The following HP1BP3 variants were observed in gnomAD, a reference collection of about 807,000 sequenced individuals.
HP1BP3 encodes heterochromatin protein 1-binding protein 3.
Under a neutral mutation model 62.5 loss-of-function variants are expected in HP1BP3, and 12 were observed. The observed-to-expected ratio is 0.19, with a 90% confidence interval of 0.12 to 0.31. HP1BP3 has a LOEUF of 0.31. HP1BP3 is among the 10% of genes least tolerant of loss of function. HP1BP3 has a pLI of 1.00. For missense variants in HP1BP3, 502 were observed against 651.8 expected, an observed-to-expected ratio of 0.77 and a Z score of 2.50; for synonymous variants, 260 against 237.8, an observed-to-expected ratio of 1.09 and a Z score of -0.86.
intron 5 of HP1BP3, among the ~76,000 whole-genome samples, 173 bp from the exon 6 acceptor site, chr1:20,771,246 C>T (rs2057045796): frequency 6.6e-6 from 1 of 152,160 alleles, no homozygotes; most frequent in South Asian, 2.1e-4. Flanking sequence ...AACAGAATTA[C>T]TAAATATTTC....
chr1:20,740,870 T>C lies in HP1BP3; in HGVS notation c.*3927A>G, dbSNP rs1030793932. Among the ~76,000 whole-genome samples the C allele has an allele frequency of 1.3e-5, 2 of 152,218 alleles. No homozygotes were observed. The highest frequency in any genetic ancestry group is 4.8e-5 in the African/African-American group (2 of 41,458). On this transcript the variant is annotated 3_prime_UTR_variant, in exon 13 of 13. Transcript: ENST00000438032. ...TATAAAGACGGTAGAGATTAATTTC[T>C]TAAGAAAATAATGCAGCTGATTAGG...
intron 8 of HP1BP3, among the ~76,000 whole-genome samples, chr1:20,762,290 T>A (rs2056527338): frequency 6.6e-6 from 1 of 152,162 alleles, no homozygotes; most frequent in Non-Finnish European, 1.5e-5. Context: ...TGACAACCCA[T>A]CCATTATCAG....
At chr1:20,764,015 C>T (rs577913808) in intron 8 of HP1BP3, among the ~76,000 whole-genome samples, 1 of 152,098 alleles carries the variant, frequency 6.6e-6, no homozygotes, top group African/African-American at 2.4e-5. Flanking sequence ...TAACCCAATA[C>T]TAGACTCAAA....
At chr1:20,771,724 A>ACT (rs2057069690) in intron 5 of HP1BP3, among the ~76,000 whole-genome samples, 2 of 152,122 alleles carry the variant, frequency 1.3e-5, no homozygotes, top group South Asian at 4.1e-4. Flanking sequence ...CAAATACTTA[A>ACT]TTTTTTTCAA....
chr1:20,746,219 TG>T (rs2055322855), intron 11 of HP1BP3, among the ~76,000 whole-genome samples: 2 of 151,372 alleles, frequency 1.3e-5, no homozygotes, highest in South Asian at 4.2e-4. Context: ...TGTGTGTGTG[TG>T]TGTGTGTTTC....
chr1:20,778,003 A>G (rs866873614), intron 3 of HP1BP3, among the ~76,000 whole-genome samples: 30 of 152,354 alleles, frequency 2.0e-4, no homozygotes, highest in Admixed American at 4.6e-4. Context: ...ATCATGATAT[A>G]TCTTTTACTG....
intron 8 of HP1BP3, among the ~76,000 whole-genome samples, chr1:20,759,358 G>A (rs943997369): frequency 1.3e-5 from 2 of 152,188 alleles, no homozygotes; most frequent in African/African-American, 2.4e-5. Context: ...AGCCAAGATC[G>A]TGCCATTGCA....
intron 6 of HP1BP3, among the ~76,000 whole-genome samples, chr1:20,769,623 TG>T (rs1406166861): frequency 6.6e-6 from 1 of 152,134 alleles, no homozygotes; most frequent in African/African-American, 2.4e-5. Flanking sequence ...CTTGCTATGT[TG>T]CCCAGGCTGG....
chr1:20,783,852 A>G (rs1435913992), intron 1 of HP1BP3, among the ~76,000 whole-genome samples: 1 of 152,092 alleles, frequency 6.6e-6, no homozygotes, highest in Non-Finnish European at 1.5e-5. Context: ...TAGAACTTCA[A>G]AGCTTCAATC....
intron 4 of HP1BP3, chr1:20,775,820 T>C: frequency 1.4e-6 from 1 of 707,314 alleles, no homozygotes; most frequent in Non-Finnish European, 2.2e-6. Context: ...CCTAGGTATG[T>C]AGTAGGCTGT....
At chr1:20,758,869 T>C (rs1018802841) in intron 8 of HP1BP3, among the ~76,000 whole-genome samples, 6 of 149,412 alleles carry the variant, frequency 4.0e-5, no homozygotes, top group African/African-American at 1.5e-4. Context: ...CCCAGCCTGG[T>C]CTCGAACTTG....
At chr1:20,756,509 A>G (rs2056118129) in intron 9 of HP1BP3, among the ~76,000 whole-genome samples, 2 of 152,060 alleles carry the variant, frequency 1.3e-5, no homozygotes. Context: ...GATAGAGGCT[A>G]CAGTGAGCTG....
At chr1:20,748,263 C>T (rs894038607) in intron 10 of HP1BP3, among the ~76,000 whole-genome samples, 24 of 152,300 alleles carry the variant, frequency 1.6e-4, no homozygotes, top group African/African-American at 5.8e-4. Context: ...ATGAACAGAA[C>T]TAATTATTCA....
intron 6 of HP1BP3, 103 bp from the exon 7 acceptor site, chr1:20,767,767 A>C: frequency 1.5e-6 from 1 of 681,642 alleles, no homozygotes. Context: ...AGTGGTGTTT[A>C]CTTCTTCAGA....
intron 8 of HP1BP3, among the ~76,000 whole-genome samples, chr1:20,763,889 T>C (rs1200735232): frequency 2.0e-5 from 3 of 152,228 alleles, no homozygotes; most frequent in Non-Finnish European, 2.9e-5. Flanking sequence ...TATGTACATA[T>C]GTATGCATAT....
At chr1:20,773,144 T>G (rs1469629697) in intron 5 of HP1BP3, among the ~76,000 whole-genome samples, 1 of 152,232 alleles carries the variant, frequency 6.6e-6, no homozygotes, top group Admixed American at 6.5e-5. Flanking sequence ...AGTCCTTAAA[T>G]GTTTGTTCAA....
chr1:20,752,099 A>C (rs974010438), intron 9 of HP1BP3, among the ~76,000 whole-genome samples: 3 of 151,836 alleles, frequency 2.0e-5, no homozygotes, highest in African/African-American at 7.3e-5. Context: ...ATCTCTACTA[A>C]AAATACAAAA....
chr1:20,762,383 T>C lies in HP1BP3; in HGVS notation c.890+2994A>G, dbSNP rs1462397602. The stretch of plus-strand genomic sequence containing the variant: ...GGCACACTGGTAGCAACACACTACC[T>C]TATGTAAGTAGAGTAGAACTACAAG... On this transcript the variant is annotated intron_variant, in intron 8 of 12. Coordinates refer to ENST00000438032, the MANE Select transcript of HP1BP3 (RefSeq NM_001372052.1). 8.5e-5 allele frequency among the ~76,000 whole-genome samples: 13 copies of C among 152,198 alleles called. No homozygotes were observed. In the East Asian group the frequency reaches 2.5e-3, roughly 29 times the overall value.
intron 8 of HP1BP3, among the ~76,000 whole-genome samples, chr1:20,762,842 A>T (rs2056563131): frequency 6.6e-6 from 1 of 152,154 alleles, no homozygotes; most frequent in Non-Finnish European, 1.5e-5. Flanking sequence ...TCACGGGCAC[A>T]ATCTTAACCT....
Sources: gnomAD v4.1 joint callset for allele counts (sites outside exome capture counted in the v4.1 genomes callset) on GRCh38, gnomAD v4.1.1 for gene constraint, MANE v1.5 for transcripts, NCBI Gene and HGNC (gene_info 2026-07-23, HGNC 2026-07-21) for gene names.